Variants in HAO1 observed in about 807,000 individuals in gnomAD.
HAO1 encodes hydroxyacid oxidase 1.
A neutral mutation model predicts 39.7 loss-of-function variants in HAO1; 34 were observed. That is an observed-to-expected ratio of 0.86 (90% confidence interval 0.65 to 1.14). The LOEUF is 1.14. HAO1 is among the 50% of genes most tolerant of loss of function. The probability of loss-of-function intolerance (pLI) is 0.00; values close to 1 mark genes in which losing one functional copy is unlikely to be tolerated. For synonymous variants in HAO1, 172 were observed against 173.2 expected, an observed-to-expected ratio of 0.99 and a Z score of 0.05; for missense variants, 479 against 464.5, an observed-to-expected ratio of 1.03 and a Z score of -0.29.
intron 2 of HAO1, among the ~76,000 whole-genome samples, chr20:7,919,962 T>C (rs1198095131): frequency 1.3e-5 from 2 of 152,172 alleles, no homozygotes; most frequent in African/African-American, 4.8e-5. Flanking sequence ...GATCTATGTA[T>C]ACATTGCAGA....
At chr20:7,902,349 C>T (rs75450080) in intron 4 of HAO1, among the ~76,000 whole-genome samples, 4,263 of 152,286 alleles carry the variant, frequency 0.028, 201 homozygotes, top group African/African-American at 0.094. Context: ...CAACCACTAC[C>T]CTGATCAGTC....
At chr20:7,895,305 A>C in intron 4 of HAO1, 81 bp from the exon 5 acceptor site, 1 of 843,382 alleles carries the variant, frequency 1.2e-6, no homozygotes, top group Non-Finnish European at 2.1e-6. Context: ...CATTCCAGTC[A>C]AATGGAGGCT....
intron 2 of HAO1, among the ~76,000 whole-genome samples, chr20:7,926,407 T>G (rs1029731741): frequency 6.6e-6 from 1 of 152,122 alleles, no homozygotes; most frequent in African/African-American, 2.4e-5. Flanking sequence ...AAATTGAGAA[T>G]AATGGGGATA....
In HAO1 at chr20:7,906,150, G is replaced by A. The variant is rs778174293; in HGVS notation, c.721+4C>T. On this transcript the variant is annotated splice_donor_region_variant and intron_variant, in intron 4 of 7. Transcript: ENST00000378789. ...TATGAATTCAAGTAGAGAAATAAACGAACCTCTCAAAATGCCCTTTGCAAC... is the reference window on the plus strand; with the variant it reads ...TATGAATTCAAGTAGAGAAATAAACAAACCTCTCAAAATGCCCTTTGCAAC... The A allele has an allele frequency of 2.4e-5, 38 of 1,599,492 alleles. No homozygotes were observed. The highest frequency in any genetic ancestry group is 1.7e-4 in the Middle Eastern group (1 of 6,058).
At chr20:7,896,982 ATTTG>A (rs1238522193) in intron 4 of HAO1, among the ~76,000 whole-genome samples, 1 of 152,006 alleles carries the variant, frequency 6.6e-6, no homozygotes, top group Non-Finnish European at 1.5e-5. Context: ...TTATATTCTC[ATTTG>A]TTTGTAGTAG....
At chr20:7,928,972 A>G (rs1194202647) in intron 2 of HAO1, among the ~76,000 whole-genome samples, 1 of 152,182 alleles carries the variant, frequency 6.6e-6, no homozygotes, top group African/African-American at 2.4e-5. Context: ...CCCTTGGGTC[A>G]TCAAGAGCTA....
At position 7,899,105 on chromosome 20, in the gene HAO1, C is replaced by A. The variant is rs376602604; in HGVS notation, c.722-3881G>T. ...AATTAAATATTATCAATAAACAGATCCTGTACAGGAGGAAGAAGTGATTCA... is the reference window on the plus strand; with the variant it reads ...AATTAAATATTATCAATAAACAGATACTGTACAGGAGGAAGAAGTGATTCA... On this transcript the variant is annotated intron_variant, in intron 4 of 7. Transcript: ENST00000378789. 2.1e-3 allele frequency among the ~76,000 whole-genome samples: 317 copies of A among 152,044 alleles called. 13 individuals are homozygous for A. In the South Asian group the frequency reaches 0.064, roughly 31 times the overall value.
intron 5 of HAO1, among the ~76,000 whole-genome samples, chr20:7,893,232 G>A (rs1030981756): frequency 6.6e-6 from 1 of 152,152 alleles, no homozygotes; most frequent in African/African-American, 2.4e-5. Context: ...GTCAGTGAAA[G>A]AGATCTCGCC....
At position 7,936,550 on chromosome 20, in the gene HAO1, G is replaced by GTGTGTGTGTT. The variant is rs1292549632; in HGVS notation, c.138-1916_138-1915insAACACACACA. Among the ~76,000 whole-genome samples the GTGTGTGTGTT allele has an allele frequency of 6.7e-3, 941 of 140,928 alleles. 10 individuals are homozygous for GTGTGTGTGTT. Among genetic ancestry groups the GTGTGTGTGTT allele is most frequent in the African/African-American group, 0.018 (642 of 35,570 alleles). 92.5% of individuals were successfully genotyped at this position (140,928 alleles called of 152,430 possible). On this transcript the variant is annotated intron_variant, in intron 1 of 7. Coordinates refer to ENST00000378789, the MANE Select transcript of HAO1 (RefSeq NM_017545.3). The stretch of plus-strand genomic sequence containing the variant: ...TGTGTGTGTGTGTGTGTGTGTGTTC[G>GTGTGTGTGTT]CGCGCGCGCGCGCGCGTGCGTGCCA...
intron 4 of HAO1, among the ~76,000 whole-genome samples, chr20:7,903,657 G>T (rs552091324): frequency 6.6e-6 from 1 of 151,678 alleles, no homozygotes; most frequent in East Asian, 2.0e-4. Flanking sequence ...GATAGCAGTG[G>T]TGGTGGTGGC....
chr20:7,936,016 G>GAAGAAA, intron 1 of HAO1, among the ~76,000 whole-genome samples: 1 of 152,080 alleles, frequency 6.6e-6, no homozygotes, highest in East Asian at 1.9e-4. Context: ...GAAAAAAAAA[G>GAAGAAA]AAGAAAAAGA....
In HAO1 at chr20:7,914,228, TG is replaced by T; in HGVS notation, c.480del (p.Asp160GlufsTer24). Reference protein sequence around the residue: ...MGYKAIFVTVDTPYLGNRLDD... With the variant: ...MGYKAIFVTVXTPYLGNRLDD... ...TCCAGACGGTTGCCCAGGTAAGGTG[TG>T]TCCACTGTCACAAATATGGCCTTGT... On this transcript the variant is annotated frameshift_variant, in exon 3 of 8. Transcript: ENST00000378789. LOFTEE classifies it high-confidence loss of function. 1 of 1,614,054 alleles carries T rather than the reference TG, an allele frequency of 6.2e-7. No homozygotes were observed. Among genetic ancestry groups the T allele is most frequent in the Non-Finnish European group, 8.5e-7 (1 of 1,179,954 alleles).
chr20:7,904,212 C>A (rs957119440), intron 4 of HAO1, among the ~76,000 whole-genome samples: 1 of 152,136 alleles, frequency 6.6e-6, no homozygotes, highest in African/African-American at 2.4e-5. Flanking sequence ...TTTAATTATA[C>A]CTTCTCAGTC....
At chr20:7,929,122 T>A (rs1291557556) in intron 2 of HAO1, among the ~76,000 whole-genome samples, 1 of 152,170 alleles carries the variant, frequency 6.6e-6, no homozygotes, top group Admixed American at 6.5e-5. Context: ...TTTGGACATT[T>A]ACATTACAAG....
chr20:7,936,266 C>G (rs2050409546), intron 1 of HAO1, among the ~76,000 whole-genome samples: 1 of 152,076 alleles, frequency 6.6e-6, no homozygotes, highest in Admixed American at 6.6e-5. Flanking sequence ...AAAGTCTTTT[C>G]TTCTTGACGG....
chr20:7,894,439 TA>T (rs905041332), intron 5 of HAO1, among the ~76,000 whole-genome samples: 14 of 152,162 alleles, frequency 9.2e-5, no homozygotes, highest in African/African-American at 3.1e-4. Context: ...CTGATAGCTT[TA>T]AAAAAATACT....
intron 2 of HAO1, among the ~76,000 whole-genome samples, chr20:7,915,662 C>A (rs560258987): frequency 1.4e-3 from 219 of 152,166 alleles, no homozygotes; most frequent in Non-Finnish European, 2.2e-3. Flanking sequence ...TGAGAAATCT[C>A]CAAGGGGGAG....
chr20:7,931,362 C>T (rs1407484122), intron 2 of HAO1, among the ~76,000 whole-genome samples: 1 of 152,128 alleles, frequency 6.6e-6, no homozygotes, highest in East Asian at 1.9e-4. Context: ...CCTCATGACA[C>T]TTCATAGGAG....
In HAO1 at chr20:7,912,612, A is replaced by G. The variant is rs569494836; in HGVS notation, c.545+1552T>C. ...AAAAAAAAGTAGTCAAAATAGAGAA[A>G]TAATGTAAATACGGGATTCATATTG... On this transcript the variant is annotated intron_variant, in intron 3 of 7. Coordinates refer to ENST00000378789, the MANE Select transcript of HAO1 (RefSeq NM_017545.3). Among the ~76,000 whole-genome samples, 6 of 152,168 alleles carry G rather than the reference A, an allele frequency of 3.9e-5. No individual in the cohort carries two copies. The South Asian group carries it at 1.2e-3, about 32-fold the overall frequency.
Sources: gnomAD v4.1 joint callset for allele counts (sites outside exome capture counted in the v4.1 genomes callset) on GRCh38, gnomAD v4.1.1 for gene constraint, MANE v1.5 for transcripts, NCBI Gene and HGNC (gene_info 2026-07-23, HGNC 2026-07-21) for gene names.